Variants in ZBTB7C observed in about 807,000 individuals in gnomAD.
ZBTB7C encodes the protein zinc finger and BTB domain containing 7C.
Under a neutral mutation model 25.7 loss-of-function variants are expected in ZBTB7C, and 8 were observed. That is an observed-to-expected ratio of 0.31 (90% CI 0.18 to 0.56). The LOEUF is 0.56. ZBTB7C is among the 20% of genes least tolerant of loss of function. ZBTB7C has a pLI of 0.91. For synonymous variants in ZBTB7C, 394 were observed against 369.0 expected, an observed-to-expected ratio of 1.07 and a Z score of -0.78; for missense variants, 824 against 855.2, an observed-to-expected ratio of 0.96 and a Z score of 0.46.
intron 1 of ZBTB7C, among the ~76,000 whole-genome samples, chr18:48,396,469 T>C (rs1339319560): frequency 6.6e-6 from 1 of 152,336 alleles, no homozygotes; most frequent in South Asian, 2.1e-4. Context: ...TCATACTTCA[T>C]CAAGGCACAG....
chr18:48,394,858 A>G (rs2047983516), intron 1 of ZBTB7C, among the ~76,000 whole-genome samples: 1 of 152,248 alleles, frequency 6.6e-6, no homozygotes. Flanking sequence ...TTCTTGGCAG[A>G]GACTGAAGAT....
intron 3 of ZBTB7C, among the ~76,000 whole-genome samples, chr18:48,057,565 G>A (rs1598796981): frequency 6.6e-6 from 1 of 152,170 alleles, no homozygotes; most frequent in Non-Finnish European, 1.5e-5. Flanking sequence ...AGGTTGGAAG[G>A]CTGCCAGTGA....
At chr18:48,089,212 T>A (rs1001796057) in intron 3 of ZBTB7C, among the ~76,000 whole-genome samples, 2 of 152,134 alleles carry the variant, frequency 1.3e-5, no homozygotes, top group Admixed American at 6.5e-5. Context: ...CTCACGCCTG[T>A]AATCCTAGCA....
At chr18:48,084,843 G>C (rs1246186621) in intron 3 of ZBTB7C, among the ~76,000 whole-genome samples, 4 of 152,134 alleles carry the variant, frequency 2.6e-5, no homozygotes, top group African/African-American at 9.7e-5. Context: ...TGGTATCTGG[G>C]AGCCAGAGAG....
At chr18:48,209,634 T>C (rs570888585) in intron 2 of ZBTB7C, among the ~76,000 whole-genome samples, 4 of 152,232 alleles carry the variant, frequency 2.6e-5, no homozygotes, top group African/African-American at 9.6e-5. Context: ...GTCACATTTG[T>C]AGTCCCAGCT....
At chr18:48,195,771 TAACTC>T (rs1029117649) in intron 2 of ZBTB7C, among the ~76,000 whole-genome samples, 3 of 152,206 alleles carry the variant, frequency 2.0e-5, no homozygotes, top group African/African-American at 7.2e-5. Context: ...CACCCACACC[TAACTC>T]AACAGCATTT....
intron 2 of ZBTB7C, among the ~76,000 whole-genome samples, chr18:48,286,074 C>A (rs1224917028): frequency 6.6e-6 from 1 of 152,230 alleles, no homozygotes; most frequent in Non-Finnish European, 1.5e-5. Context: ...ACATGTGAGG[C>A]CTTTGGCCTA....
chr18:48,411,430 T>A (rs1446232381), upstream of ZBTB7C, among the ~76,000 whole-genome samples: 1 of 152,258 alleles, frequency 6.6e-6, no homozygotes, highest in Non-Finnish European at 1.5e-5. Flanking sequence ...TTTCAGCAGC[T>A]GTGGCAGCCA....
At chr18:48,283,531 T>C (rs1173687605) in intron 2 of ZBTB7C, among the ~76,000 whole-genome samples, 1 of 152,212 alleles carries the variant, frequency 6.6e-6, no homozygotes, top group African/African-American at 2.4e-5. Context: ...GTGGAGGTAG[T>C]AATGCACATG....
At chr18:48,094,305 T>C (rs1000409745) in intron 3 of ZBTB7C, among the ~76,000 whole-genome samples, 1 of 152,214 alleles carries the variant, frequency 6.6e-6, no homozygotes, top group Non-Finnish European at 1.5e-5. Flanking sequence ...CTACCCAAGA[T>C]TGGGCAGCTA....
intron 2 of ZBTB7C, among the ~76,000 whole-genome samples, chr18:48,272,604 C>T (rs2044526689): frequency 6.6e-6 from 1 of 151,890 alleles, no homozygotes; most frequent in Admixed American, 6.5e-5. Flanking sequence ...AAGAGTTTCT[C>T]AAAGGTTAAA....
At chr18:48,382,070 C>T (rs1285576584) in intron 1 of ZBTB7C, among the ~76,000 whole-genome samples, 1 of 152,198 alleles carries the variant, frequency 6.6e-6, no homozygotes, top group African/African-American at 2.4e-5. Context: ...TTGATTAATA[C>T]ATACGTGCAC....
At chr18:48,227,576 G>A (rs747063982) in intron 2 of ZBTB7C, among the ~76,000 whole-genome samples, 12 of 152,148 alleles carry the variant, frequency 7.9e-5, no homozygotes, top group Non-Finnish European at 1.6e-4. Flanking sequence ...AAGTGTCAAC[G>A]ATTGTTTACA....
chr18:48,342,480 G>A lies in ZBTB7C; in HGVS notation c.-303-4082C>T, dbSNP rs141580167. Among the ~76,000 whole-genome samples, 741 of 152,274 alleles carry A rather than the reference G, an allele frequency of 4.9e-3. 3 individuals carry two copies. Among genetic ancestry groups the A allele is most frequent in the Middle Eastern group, 0.02 (6 of 294 alleles). On this transcript the variant is annotated intron_variant, in intron 1 of 4. Coordinates refer to ENST00000590800, the MANE Select transcript of ZBTB7C (RefSeq NM_001318841.2). ...CCAGCTGAGACGGCCATCGTCCCCA[G>A]AAACATCGCCCGAACCCCTCCCTGG...
intron 3 of ZBTB7C, among the ~76,000 whole-genome samples, chr18:48,085,340 G>A (rs1387820696): frequency 6.6e-6 from 1 of 152,162 alleles, no homozygotes; most frequent in Non-Finnish European, 1.5e-5. Context: ...CCTACCCAAA[G>A]GGGCCCATTA....
At chr18:48,036,370 G>T (rs1023667751) in intron 4 of ZBTB7C, among the ~76,000 whole-genome samples, 15 of 152,182 alleles carry the variant, frequency 9.9e-5, no homozygotes. Context: ...CGTCCCCGTG[G>T]GGTGTGGACA....
At chr18:48,182,029 C>A (rs1193178959) in intron 3 of ZBTB7C, among the ~76,000 whole-genome samples, 1 of 152,160 alleles carries the variant, frequency 6.6e-6, no homozygotes, top group Non-Finnish European at 1.5e-5. Flanking sequence ...ACCCACCCCA[C>A]CAGAGGCAGC....
chr18:48,041,333 A>T (rs2036233620), intron 3 of ZBTB7C: 12 of 985,314 alleles, frequency 1.2e-5, no homozygotes, highest in Non-Finnish European at 1.4e-5. Context: ...TAAGACTCTT[A>T]GGGATAGGCT....
At chr18:48,065,728 T>G (rs559971993) in intron 3 of ZBTB7C, among the ~76,000 whole-genome samples, 82 of 152,194 alleles carry the variant, frequency 5.4e-4, no homozygotes, top group South Asian at 2.7e-3. Flanking sequence ...CTGGCTCTGG[T>G]GTGAAGCAGC....
Sources: allele counts gnomAD v4.1 joint callset (sites outside exome capture counted in the v4.1 genomes callset), GRCh38; gene constraint gnomAD v4.1.1; transcripts MANE v1.5; gene names NCBI Gene and HGNC (gene_info 2026-07-23, HGNC 2026-07-21).